TNRC6C: variants seen among roughly 807,000 people sequenced by gnomAD.
TNRC6C encodes the protein trinucleotide repeat containing adaptor 6C.
In TNRC6C, 20 loss-of-function variants were observed where a neutral mutation model predicts 153.7. The ratio of observed to expected loss-of-function variants is 0.13; its 90% confidence interval spans 0.09 to 0.19. The LOEUF (loss-of-function observed/expected upper bound fraction) is 0.19, where lower values mean the gene tolerates loss of function less well. TNRC6C is among the 10% of genes least tolerant of loss of function. The pLI, the probability that TNRC6C is intolerant of heterozygous loss-of-function variation, is 1.00. For synonymous variants in TNRC6C, 811 were observed against 841.4 expected, an observed-to-expected ratio of 0.96 and a Z score of 0.63; for missense variants, 1,987 against 2,172.0, an observed-to-expected ratio of 0.91 and a Z score of 1.69.
At position 78,098,269 on chromosome 17, in the gene TNRC6C, G is replaced by A. The variant is rs2073524472; in HGVS notation, c.4307-74G>A. 2.8e-6 allele frequency: 4 copies of A among 1,403,944 alleles called. No individual in the cohort carries two copies. In the East Asian group the frequency reaches 1.0e-4, roughly 35 times the overall value. 87.0% of individuals were successfully genotyped at this position (1,403,944 alleles called of 1,614,324 possible). On this transcript the variant is annotated intron_variant, in intron 16 of 19. Transcript: ENST00000301624. ...GCTGGTGTTAGAGAGCACTCTGTGT[G>A]GCTCCCCAAACACAGCAGTGAGTTT...
intron 15 of TNRC6C, 49 bp downstream of exon 17, chr17:78,093,173 T>C (rs1248045134): frequency 6.3e-7 from 1 of 1,580,872 alleles, no homozygotes; most frequent in Non-Finnish European, 8.6e-7. Context: ...CAGAATGTGC[T>C]CCAAGCCTGC....
At chr17:78,041,442 T>C (rs1295240693) in intron 2 of TNRC6C, among the ~76,000 whole-genome samples, 1 of 152,226 alleles carries the variant, frequency 6.6e-6, no homozygotes, top group Non-Finnish European at 1.5e-5. Context: ...CTTTATTTAA[T>C]AGACTCTTAA....
intron 5 of TNRC6C, among the ~76,000 whole-genome samples, chr17:78,070,630 G>T (rs758415109): frequency 6.6e-6 from 1 of 151,870 alleles, no homozygotes; most frequent in Non-Finnish European, 1.5e-5. Flanking sequence ...TTAACAGGTT[G>T]TTTCATCCTT....
intron 1 of TNRC6C, among the ~76,000 whole-genome samples, chr17:77,986,013 A>G (rs771335686): frequency 4.6e-5 from 7 of 152,226 alleles, no homozygotes; most frequent in Non-Finnish European, 8.8e-5. Flanking sequence ...GATACTTACC[A>G]TCAGTAACCA....
At chr17:77,960,867 T>C (rs1376872191) in intron 1 of TNRC6C, among the ~76,000 whole-genome samples, 1 of 152,248 alleles carries the variant, frequency 6.6e-6, no homozygotes, top group Non-Finnish European at 1.5e-5. Flanking sequence ...AAAGTAATGA[T>C]GTGAACAGTT....
chr17:77,983,099 G>A (rs140907463), intron 1 of TNRC6C, among the ~76,000 whole-genome samples: 9 of 152,162 alleles, frequency 5.9e-5, no homozygotes, highest in East Asian at 5.8e-4. Context: ...TGAATATGGC[G>A]TAAATTCACA....
At chr17:78,091,721 G>T (rs751739837) in intron 14 of TNRC6C, 114 bp downstream of exon 16, 142 of 1,201,210 alleles carry the variant, frequency 1.2e-4, no homozygotes, top group Non-Finnish European at 1.5e-4. Flanking sequence ...CTGAAAGTTG[G>T]ATTTAAAATA....
intron 1 of TNRC6C, among the ~76,000 whole-genome samples, chr17:78,029,037 T>C (rs997491249): frequency 6.6e-6 from 1 of 152,198 alleles, no homozygotes; most frequent in African/African-American, 2.4e-5. Context: ...TTCTGCTCCT[T>C]TTTTAAAATT....
intron 16 of TNRC6C, among the ~76,000 whole-genome samples, chr17:78,095,277 C>G (rs1442950729): frequency 6.6e-6 from 1 of 152,210 alleles, no homozygotes; most frequent in African/African-American, 2.4e-5. Flanking sequence ...CCGAGAAACA[C>G]GTGACAGCTG....
intron 1 of TNRC6C, among the ~76,000 whole-genome samples, chr17:77,983,525 G>C (rs1244675947): frequency 6.6e-6 from 1 of 152,170 alleles, no homozygotes; most frequent in Non-Finnish European, 1.5e-5. Flanking sequence ...CAGTACTCAA[G>C]AAAAGGCAGG....
At chr17:77,999,891 A>C (rs991891949), upstream of TNRC6C, among the ~76,000 whole-genome samples, 7 of 152,222 alleles carry the variant, frequency 4.6e-5, no homozygotes, top group African/African-American at 1.4e-4. Flanking sequence ...GTCTTACGTA[A>C]CACAGCCAGG....
At chr17:78,029,377 GTTAC>G (rs1250855640) in intron 1 of TNRC6C, among the ~76,000 whole-genome samples, 2 of 152,230 alleles carry the variant, frequency 1.3e-5, no homozygotes, top group Non-Finnish European at 2.9e-5. Context: ...TCTACAGCAT[GTTAC>G]TATACTGAAT....
chr17:78,028,354 G>A (rs1275622439), intron 1 of TNRC6C, among the ~76,000 whole-genome samples: 2 of 152,214 alleles, frequency 1.3e-5, no homozygotes, highest in Non-Finnish European at 2.9e-5. Context: ...GAACAAGGCA[G>A]ACCCAGGAAG....
At chr17:78,094,818 C>T (rs900229076) in intron 16 of TNRC6C, among the ~76,000 whole-genome samples, 4 of 152,200 alleles carry the variant, frequency 2.6e-5, no homozygotes, top group Non-Finnish European at 5.9e-5. Context: ...GTACAGATTG[C>T]CCTTTCTGTT....
intron 15 of TNRC6C, 35 bp from the exon 18 acceptor site, chr17:78,093,585 T>C (rs761518152): frequency 1.2e-6 from 2 of 1,611,900 alleles, no homozygotes; most frequent in South Asian, 1.1e-5. Flanking sequence ...GCCGGTGTTC[T>C]GATCTGTGGC....
chr17:78,105,841 A>G (rs972783831), exon 20 of TNRC6C: 4 of 152,104 alleles, frequency 2.6e-5, no homozygotes, highest in African/African-American at 7.2e-5. Flanking sequence ...AGCTAATCCT[A>G]TACATTACAG....
At chr17:78,105,112 G>T (rs1227139637) in exon 20 of TNRC6C, 11 of 351,780 alleles carry the variant, frequency 3.1e-5, no homozygotes, top group Admixed American at 1.9e-4. Flanking sequence ...TTGTCATTTT[G>T]ATTTTTTTTT....
At chr17:78,107,741 G>A (rs973044408) in exon 20 of TNRC6C, 18 of 152,222 alleles carry the variant, frequency 1.2e-4, no homozygotes, top group African/African-American at 3.9e-4. Flanking sequence ...TGTTCATCTG[G>A]TAACTTCTGT....
In TNRC6C at chr17:78,078,219, C is replaced by T. The variant is rs2073118161; in HGVS notation, c.3210+885C>T. Among the ~76,000 whole-genome samples, 4 of 152,332 alleles carry T rather than the reference C, an allele frequency of 2.6e-5. No homozygotes were observed. In the South Asian group the frequency reaches 6.2e-4, roughly 24 times the overall value. On this transcript the variant is annotated intron_variant, in intron 9 of 19. Coordinates refer to ENST00000301624, the Ensembl canonical transcript of TNRC6C. The stretch of plus-strand genomic sequence containing the variant: ...TTCCATTGTTCTGCCAGCTTCAAGT[C>T]AGCAGCCCAGCTAGGGTGTGCACTG...
Sources: allele counts gnomAD v4.1 joint callset (sites outside exome capture counted in the v4.1 genomes callset), GRCh38; gene constraint gnomAD v4.1.1; transcripts MANE v1.5; gene names NCBI Gene and HGNC (gene_info 2026-07-23, HGNC 2026-07-21).